The following FOXP2 variants were observed in gnomAD, a reference collection of about 807,000 sequenced individuals.
FOXP2 encodes the protein forkhead box protein P2.
Under a neutral mutation model 115.8 loss-of-function variants are expected in FOXP2, and 12 were observed. That is an observed-to-expected ratio of 0.10 (90% CI 0.07 to 0.17). The LOEUF is 0.17. FOXP2 is among the 10% of genes least tolerant of loss of function. The pLI is 1.00. For synonymous variants in FOXP2, 328 were observed against 297.7 expected (o/e 1.10, Z -1.05); for missense variants, 629 against 843.5 (o/e 0.75, Z 3.15).
chr7:114,642,812 A>ATATATATATATTTTTTT (rs1308357594), intron 7 of FOXP2, among the ~76,000 whole-genome samples, 189 bp downstream of exon 7: 1 of 72,438 alleles, frequency 1.4e-5, no homozygotes, highest in African/African-American at 7.1e-5. Context: ...ATATATATAT[A>ATATATATATATTTTTTT]TTTTTTTTTT....
At chr7:114,330,386 AC>A (rs1365469462) in intron 2 of FOXP2, among the ~76,000 whole-genome samples, 1 of 150,906 alleles carries the variant, frequency 6.6e-6, no homozygotes, top group African/African-American at 2.4e-5. Flanking sequence ...TAATCCTAGC[AC>A]TCTGGGTGGC....
intron 1 of FOXP2, among the ~76,000 whole-genome samples, chr7:114,233,526 G>A (rs1794937481): frequency 6.6e-6 from 1 of 152,210 alleles, no homozygotes; most frequent in South Asian, 2.1e-4. Context: ...GGCCCTTCAA[G>A]GGCTATGGGA....
chr7:114,210,312 T>C (rs995533758), intron 1 of FOXP2, among the ~76,000 whole-genome samples: 1 of 152,168 alleles, frequency 6.6e-6, no homozygotes, highest in Non-Finnish European at 1.5e-5. Context: ...AAGATGGGGT[T>C]TTTGAATGGG....
chr7:114,426,768 T>A, intron 2 of FOXP2, 89 bp downstream of exon 2: 1 of 1,344,772 alleles, frequency 7.4e-7, no homozygotes, highest in Non-Finnish European at 1.0e-6. Context: ...ACTGAGCATG[T>A]TGTGTTAAGC....
intron 2 of FOXP2, among the ~76,000 whole-genome samples, chr7:114,332,877 A>T (rs1797746467): frequency 6.6e-6 from 1 of 152,190 alleles, no homozygotes; most frequent in Non-Finnish European, 1.5e-5. Context: ...AGGAGGAAAA[A>T]CATGCTACAT....
intron 2 of FOXP2, among the ~76,000 whole-genome samples, chr7:114,506,217 A>C (rs1421546316): frequency 6.6e-6 from 1 of 151,722 alleles, no homozygotes; most frequent in Non-Finnish European, 1.5e-5. Context: ...TTTACCAACT[A>C]ATCAAGATCA....
At chr7:114,274,602 G>GTTT (rs1796139032) in intron 1 of FOXP2, among the ~76,000 whole-genome samples, 2 of 58,016 alleles carry the variant, frequency 3.4e-5, no homozygotes. Context: ...CCCTCTCAAA[G>GTTT]CTTTTTTTTT....
intron 2 of FOXP2, among the ~76,000 whole-genome samples, chr7:114,292,701 C>T (rs551923863): frequency 3.9e-5 from 6 of 152,172 alleles, no homozygotes; most frequent in African/African-American, 1.4e-4. Flanking sequence ...TAGTATCTTA[C>T]CCTATCATAG....
chr7:114,607,966 G>C (rs1803421921), intron 3 of FOXP2, among the ~76,000 whole-genome samples: 1 of 152,106 alleles, frequency 6.6e-6, no homozygotes, highest in South Asian at 2.1e-4. Context: ...TATAAATCAG[G>C]TGGGCAAAAT....
At chr7:114,240,305 A>G (rs1394994756) in intron 1 of FOXP2, among the ~76,000 whole-genome samples, 2 of 152,164 alleles carry the variant, frequency 1.3e-5, no homozygotes, top group Non-Finnish European at 2.9e-5. Context: ...ATTCAAGAGT[A>G]CATGAATTTT....
chr7:114,283,820 A>C (rs899434879), intron 1 of FOXP2, among the ~76,000 whole-genome samples: 2 of 151,868 alleles, frequency 1.3e-5, no homozygotes, highest in African/African-American at 2.4e-5. Flanking sequence ...AAAATTACTC[A>C]GGTGTGTGGC....
intron 2 of FOXP2, among the ~76,000 whole-genome samples, chr7:114,390,514 T>TATGTATGTATGTATG (rs1554382700): frequency 7.7e-6 from 1 of 129,384 alleles, no homozygotes; most frequent in African/African-American, 3.2e-5. Context: ...TACTTTTGTT[T>TATGTATGTATGTATG]TATTTATGTA....
intron 2 of FOXP2, among the ~76,000 whole-genome samples, chr7:114,521,672 T>A (rs1219566316): frequency 6.6e-6 from 1 of 152,088 alleles, no homozygotes; most frequent in Admixed American, 6.6e-5. Context: ...CAATAGTAAT[T>A]TTTTGGATCT....
At chr7:114,622,104 T>C (rs980235917) in intron 3 of FOXP2, among the ~76,000 whole-genome samples, 3 of 151,948 alleles carry the variant, frequency 2.0e-5, no homozygotes, top group African/African-American at 4.8e-5. Flanking sequence ...ATTTCAGTAG[T>C]AGAGTTCAGT....
chr7:114,423,047 G>A (rs552041246), intron 1 of FOXP2, among the ~76,000 whole-genome samples: 6 of 151,784 alleles, frequency 4.0e-5, no homozygotes, highest in South Asian at 4.1e-4. Flanking sequence ...GGTTGTGCAC[G>A]CTTTATTCAA....
At chr7:114,120,694 A>ATGTG (rs759189896) in intron 1 of FOXP2, among the ~76,000 whole-genome samples, 4 of 121,654 alleles carry the variant, frequency 3.3e-5, no homozygotes, top group African/African-American at 1.9e-4. Flanking sequence ...GTGTGTGTAT[A>ATGTG]TGTATGTGTG....
chr7:114,374,587 C>T (rs181955240), intron 2 of FOXP2, among the ~76,000 whole-genome samples: 1 of 152,174 alleles, frequency 6.6e-6, no homozygotes, highest in South Asian at 2.1e-4. Flanking sequence ...AGCTTGTATC[C>T]AGCGGAATTA....
chr7:114,627,312 C>T (rs548596811), intron 3 of FOXP2, among the ~76,000 whole-genome samples: 1 of 151,816 alleles, frequency 6.6e-6, no homozygotes, highest in African/African-American at 2.4e-5. Flanking sequence ...ACATGTTGCC[C>T]AATAAATTTG....
At chr7:114,565,301 A>G (rs1043015468) in intron 3 of FOXP2, among the ~76,000 whole-genome samples, 1 of 152,152 alleles carries the variant, frequency 6.6e-6, no homozygotes, top group African/African-American at 2.4e-5. Flanking sequence ...TTATATCCAC[A>G]TGGCTAATAT....
Sources: allele counts gnomAD v4.1 joint callset (sites outside exome capture counted in the v4.1 genomes callset), GRCh38; gene constraint gnomAD v4.1.1; transcripts MANE v1.5; gene names NCBI Gene and HGNC (gene_info 2026-07-23, HGNC 2026-07-21).